NELL2: variants seen among roughly 807,000 people sequenced by gnomAD.
The protein encoded by NELL2 is neural EGFL like 2.
NELL2 carries 41 observed loss-of-function variants against 109.6 expected under a neutral mutation model. The ratio of observed to expected loss-of-function variants is 0.37; its 90% CI spans 0.29 to 0.49. The LOEUF is 0.49. NELL2 is among the 20% of genes least tolerant of loss of function. The pLI, the probability that NELL2 is intolerant of heterozygous loss-of-function variation, is 0.98. For missense variants in NELL2, 900 were observed against 1,008.3 expected, an observed-to-expected ratio of 0.89 and a Z score of 1.45; for synonymous variants, 355 against 344.7, an observed-to-expected ratio of 1.03 and a Z score of -0.33.
chr12:44,658,307 A>C (rs1947587860), intron 13 of NELL2, among the ~76,000 whole-genome samples: 1 of 151,918 alleles, frequency 6.6e-6, no homozygotes, highest in Non-Finnish European at 1.5e-5. Context: ...CCAAAAATAG[A>C]CAAACAGCCA....
intron 9 of NELL2, among the ~76,000 whole-genome samples, chr12:44,765,342 A>G (rs1485213913): frequency 2.6e-5 from 4 of 152,148 alleles, no homozygotes; most frequent in Non-Finnish European, 4.4e-5. Flanking sequence ...TCATTATGAA[A>G]GCAGCCGAGA....
intron 13 of NELL2, among the ~76,000 whole-genome samples, chr12:44,618,123 T>C (rs1945908412): frequency 6.6e-6 from 1 of 152,180 alleles, no homozygotes; most frequent in Non-Finnish European, 1.5e-5. Flanking sequence ...GAAATCTATT[T>C]TTAATGCTAC....
intron 9 of NELL2, among the ~76,000 whole-genome samples, chr12:44,757,768 A>G (rs370986887): frequency 1.1e-4 from 16 of 152,140 alleles, no homozygotes; most frequent in East Asian, 5.8e-4. Flanking sequence ...ATACTGTGGC[A>G]GTATTTTTAT....
At chr12:44,900,410 G>GTC (rs1945647486) in intron 1 of NELL2, among the ~76,000 whole-genome samples, 1 of 152,140 alleles carries the variant, frequency 6.6e-6, no homozygotes. Flanking sequence ...ATAACAAACA[G>GTC]TCTCTTAGAC....
intron 3 of NELL2, 82 bp from the exon 4 acceptor site, chr12:44,780,104 T>C (rs780291793): frequency 7.8e-6 from 11 of 1,417,276 alleles, no homozygotes; most frequent in African/African-American, 5.7e-5. Flanking sequence ...CGGGATGGAA[T>C]AGATGTACTT....
chr12:44,770,745 C>T (rs1296089786), intron 9 of NELL2, among the ~76,000 whole-genome samples: 4 of 152,176 alleles, frequency 2.6e-5, no homozygotes, highest in African/African-American at 9.6e-5. Flanking sequence ...CATTCACATT[C>T]CCTGTATTTG....
At chr12:44,704,637 T>C (rs759825880) in intron 11 of NELL2, among the ~76,000 whole-genome samples, 5 of 152,208 alleles carry the variant, frequency 3.3e-5, no homozygotes, top group Non-Finnish European at 7.3e-5. Context: ...TACATAATTA[T>C]ATATAATTCA....
chr12:44,693,280 A>T (rs1457629688), intron 12 of NELL2, among the ~76,000 whole-genome samples: 1 of 152,184 alleles, frequency 6.6e-6, no homozygotes, highest in Non-Finnish European at 1.5e-5. Flanking sequence ...AATATGTTTA[A>T]ATTAAGATAC....
intron 15 of NELL2, among the ~76,000 whole-genome samples, chr12:44,599,960 GTTTTTT>G (rs35401385): frequency 9.0e-6 from 1 of 111,268 alleles, no homozygotes. Context: ...CTAGAATTCC[GTTTTTT>G]TTTTTTTTTT....
intron 2 of NELL2, among the ~76,000 whole-genome samples, chr12:44,871,033 C>G (rs974936750): frequency 6.6e-6 from 1 of 152,080 alleles, no homozygotes. Flanking sequence ...ATCACATGCC[C>G]TATGTTTCTA....
chr12:44,790,567 C>T (rs894843417), intron 3 of NELL2, among the ~76,000 whole-genome samples: 13 of 151,364 alleles, frequency 8.6e-5, no homozygotes, highest in Non-Finnish European at 1.6e-4. Flanking sequence ...AAAAATACAA[C>T]GTAAAAAGCA....
chr12:44,628,432 T>G (rs183956699), intron 13 of NELL2, among the ~76,000 whole-genome samples: 1 of 152,168 alleles, frequency 6.6e-6, no homozygotes, highest in Non-Finnish European at 1.5e-5. Flanking sequence ...TCATGCAAGC[T>G]GAGATCAAGG....
intron 1 of NELL2, among the ~76,000 whole-genome samples, chr12:44,903,986 T>C (rs1269372844): frequency 6.6e-6 from 1 of 152,024 alleles, no homozygotes; most frequent in Non-Finnish European, 1.5e-5. Context: ...TGTATACCTA[T>C]GTAACAAACC....
intron 1 of NELL2, among the ~76,000 whole-genome samples, chr12:44,884,899 T>G (rs1945452549): frequency 6.6e-6 from 1 of 151,994 alleles, no homozygotes. Flanking sequence ...ACTTCTTCAA[T>G]CTAATAAAGA....
chr12:44,531,367 A>C (rs1391548846), intron 16 of NELL2, among the ~76,000 whole-genome samples: 1 of 152,218 alleles, frequency 6.6e-6, no homozygotes, highest in African/African-American at 2.4e-5. Context: ...CCAATGTCTG[A>C]TCTGTCTTGA....
chr12:44,660,735 G>T (rs551674218), intron 13 of NELL2, among the ~76,000 whole-genome samples: 12 of 152,238 alleles, frequency 7.9e-5, no homozygotes, highest in East Asian at 1.9e-4. Context: ...CACAAAAGAA[G>T]AATCAGAATT....
At chr12:44,842,011 G>A (rs1174777508) in intron 2 of NELL2, among the ~76,000 whole-genome samples, 1 of 149,350 alleles carries the variant, frequency 6.7e-6, no homozygotes, top group Admixed American at 6.7e-5. Context: ...TAAATAGAAT[G>A]CAAAGGGCTT....
At chr12:44,875,600 C>T in intron 1 of NELL2, 1 of 1,613,486 alleles carries the variant, frequency 6.2e-7, no homozygotes, top group Non-Finnish European at 8.5e-7. Context: ...TCCCCCTCAG[C>T]CCTCCGACCC....
At chr12:44,641,469 T>G (rs1397164183) in intron 13 of NELL2, among the ~76,000 whole-genome samples, 1 of 152,036 alleles carries the variant, frequency 6.6e-6, no homozygotes, top group Non-Finnish European at 1.5e-5. Flanking sequence ...CCTGACAACG[T>G]AAGAAAACCA....
Sources: gnomAD v4.1 joint callset for allele counts (sites outside exome capture counted in the v4.1 genomes callset) on GRCh38, gnomAD v4.1.1 for gene constraint, MANE v1.5 for transcripts, NCBI Gene and HGNC (gene_info 2026-07-23, HGNC 2026-07-21) for gene names.